Variants in PYGM observed in about 807,000 individuals in gnomAD.
The protein encoded by PYGM is glycogen phosphorylase, muscle form.
In PYGM, 81 loss-of-function variants were observed where a neutral mutation model predicts 99.3. The ratio of observed to expected loss-of-function variants is 0.82; its 90% CI spans 0.68 to 0.98. The LOEUF (loss-of-function observed/expected upper bound fraction) is 0.98. Among genes scored for constraint, PYGM ranks in the 50% least tolerant of loss-of-function variants. The pLI is 0.00. For synonymous variants in PYGM, 436 were observed against 451.5 expected (o/e 0.97, Z 0.44); for missense variants, 1,030 against 1,158.1 (o/e 0.89, Z 1.61).
rs1170598133 is a variant in PYGM, at chr11:64,759,789, T to C, written c.110A>G (p.His37Arg). ...ELKKNFNRHL[H>R]FTLVKDRNVA... Reference sequence around the variant, plus strand: ...ATTGCGGTCCTTTACGAGTGTGAAATGCAGGTGCCGGTTGAAGTTCTTTTT... The same window carrying C: ...ATTGCGGTCCTTTACGAGTGTGAAACGCAGGTGCCGGTTGAAGTTCTTTTT... Residue 37 changes from histidine (H) to arginine (R), a missense_variant, in exon 1 of 20, where the codon CAT (histidine) becomes CGT (arginine). Transcript: ENST00000164139. 7 of 1,614,182 alleles carry C rather than the reference T, an allele frequency of 4.3e-6. No homozygotes were observed. Among genetic ancestry groups the C allele is most frequent in the Non-Finnish European group, 5.9e-6 (7 of 1,180,036 alleles).
rs1210569440 is a variant in PYGM at position 64,754,505 on chromosome 11, G to A, written c.1000-160C>T. On this transcript the variant is annotated intron_variant, in intron 8 of 19. Transcript: ENST00000164139. This position sits in a 1 kb window ranked among gnomAD's most constrained non-coding sequence, Gnocchi z 5.5. ...CTCATGGGGGTGGGAGGAATGGGGG[G>A]AGTGGGGCGGGAGGAGGAGGGAAGC... 9 of 848,196 alleles carry A rather than the reference G, an allele frequency of 1.1e-5. No homozygotes were observed. The highest frequency in any genetic ancestry group is 7.3e-4 in the Middle Eastern group (2 of 2,748). 52.5% of individuals were successfully genotyped at this position (848,196 alleles called of 1,614,324 possible).
rs1440882452 is a variant in PYGM at position 64,753,894 on chromosome 11, G to C, written c.1224C>G (p.Asn408Lys). The change falls in exon 10 of 20, where the codon AAC (asparagine) becomes AAG (lysine). Residue 408 changes from asparagine to lysine, a missense_variant. Physicochemically the swap from Asn to Lys is moderately conservative, Grantham distance 94 (BLOSUM62 0). Transcript: ENST00000164139. ...CCGGACTCACGTTGAGGAAGCGCTG[G>C]TTGATCTCGTAGATGATCTGGAGGT... ...PRHLQIIYEINQRFLNRVAAA... is the reference protein window; with the variant it reads ...PRHLQIIYEIKQRFLNRVAAA... 6.3e-7 allele frequency: 1 copy of C among 1,581,404 alleles called. No homozygotes were observed. The highest frequency in any genetic ancestry group is 1.8e-5 in the Admixed American group (1 of 55,464).
At chr11:64,748,130 C>T (rs1255229616) in intron 17 of PYGM, 2 of 153,038 alleles carry the variant, frequency 1.3e-5, no homozygotes, top group Admixed American at 6.5e-5. Flanking sequence ...AAAACCTAAC[C>T]GTTCCAACCA....
chr11:64,755,603 G>T lies in PYGM; in HGVS notation c.661-45C>A. ...CAGGAGCTGGCCAGCCCTGGCAATT[G>T]CCTCCCTCCCCTCAGGGCTGGGACT... On this transcript the variant is annotated intron_variant, in intron 5 of 19. Coordinates refer to ENST00000164139, the MANE Select transcript of PYGM (RefSeq NM_005609.4). The surrounding 1 kb of genome is among the most constrained non-coding windows in gnomAD (Gnocchi z 4.1). 3 of 1,480,518 alleles carry T rather than the reference G, an allele frequency of 2.0e-6. No individual in the cohort carries two copies. Among genetic ancestry groups the T allele is most frequent in the Non-Finnish European group, 2.8e-6 (3 of 1,061,982 alleles). The allele number at this position is 1,480,518 out of a possible 1,614,324, so 91.7% of individuals were successfully genotyped here. A position where few individuals can be genotyped will look rare whatever the true frequency, so the allele number is the denominator to read the frequency against.
rs71581791 is a variant in PYGM, at chr11:64,754,928, C to T, written c.856-92G>A. ...GGCCAGGAGGGACTCCCACCCATAC[C>T]GGGACCCCTGAGCCCTGAGCCGGCC... On this transcript the variant is annotated intron_variant, in intron 7 of 19. Coordinates refer to ENST00000164139, the MANE Select transcript of PYGM (RefSeq NM_005609.4). The surrounding 1 kb of genome is among the most constrained non-coding windows in gnomAD (Gnocchi z 5.5). 4.5e-5 allele frequency: 69 copies of T among 1,548,030 alleles called. 1 individual carries two copies. The Middle Eastern group carries it at 1.1e-3, about 24-fold the overall frequency.
chr11:64,747,834 G>A (rs2058325780), intron 17 of PYGM: 1 of 234,508 alleles, frequency 4.3e-6, no homozygotes, highest in Non-Finnish European at 8.6e-6. Flanking sequence ...AGGAGGTCAG[G>A]AGTTCAAGAC....
chr11:64,753,655 C>G lies in PYGM; in HGVS notation c.1267G>C (p.Val423Leu). Reference protein sequence around the residue: ...NRVAAAFPGDVDRLRRMSLVE... With the variant: ...NRVAAAFPGDLDRLRRMSLVE... ...AGCGACATGCGCCGCAGCCGGTCTA[C>G]GTCCCCTGGGAATGCGGCCGCCACC... The change falls in exon 11 of 20, where the codon GTA becomes CTA. Residue 423 changes from valine (V) to leucine (L), a missense_variant. Physicochemically the swap from Val to Leu is conservative, Grantham distance 32 (BLOSUM62 1). Coordinates refer to ENST00000164139, the MANE Select transcript of PYGM (RefSeq NM_005609.4). 6.2e-7 allele frequency: 1 copy of G among 1,608,728 alleles called. No homozygotes were observed. The highest frequency in any genetic ancestry group is 8.5e-7 in the Non-Finnish European group (1 of 1,179,334).
At chr11:64,750,283 G>A in intron 17 of PYGM, 93 bp downstream of exon 17, 1 of 1,406,538 alleles carries the variant, frequency 7.1e-7, no homozygotes, top group Non-Finnish European at 1.0e-6. Flanking sequence ...GCTGGGCCTG[G>A]ACCAGTCTTT....
At chr11:64,758,173 C>G (rs896469349) in intron 4 of PYGM, 73 bp downstream of exon 4, 1 of 1,519,648 alleles carries the variant, frequency 6.6e-7, no homozygotes, top group Non-Finnish European at 9.1e-7. Context: ...TCGGACCTTG[C>G]CAGAGATGAT....
chr11:64,750,007 T>G (rs1773265235), intron 17 of PYGM, among the ~76,000 whole-genome samples: 1 of 152,176 alleles, frequency 6.6e-6, no homozygotes, highest in South Asian at 2.1e-4. Context: ...TTAGCCAGGA[T>G]GGTCTGGATC....
chr11:64,755,685 T>C lies in PYGM; in HGVS notation c.661-127A>G. 1 of 736,178 alleles carries C rather than the reference T, an allele frequency of 1.4e-6. No homozygotes were observed. The highest frequency in any genetic ancestry group is 2.7e-5 in the East Asian group (1 of 36,988). 45.6% of individuals were successfully genotyped at this position (736,178 alleles called of 1,614,324 possible). A position where few individuals can be genotyped will look rare whatever the true frequency, so the allele number is the denominator to read the frequency against. ...GGCTCTTGTCCTTGTCTAGCATCGA[T>C]GAGCTGGGTAACCATGAGCAAACCC... On this transcript the variant is annotated intron_variant, in intron 5 of 19. Coordinates refer to ENST00000164139, the MANE Select transcript of PYGM (RefSeq NM_005609.4). The surrounding 1 kb of genome is among the most constrained non-coding windows in gnomAD (Gnocchi z 4.1).
In PYGM at chr11:64,746,541, G is replaced by T. The variant is rs1390895683; in HGVS notation, c.*118C>A. The T allele has an allele frequency of 1.2e-5, 16 of 1,386,572 alleles. No homozygotes were observed. Among genetic ancestry groups the T allele is most frequent in the Non-Finnish European group, 1.6e-5 (16 of 989,862 alleles). 85.9% of individuals were successfully genotyped at this position (1,386,572 alleles called of 1,614,324 possible). A position where few individuals can be genotyped will look rare whatever the true frequency, so the allele number is the denominator to read the frequency against. ...GGACATTGAGAGTGGGGAAAATGAG[G>T]GTTCCAGGAGGGGCTTAGAGATCTA... On this transcript the variant is annotated 3_prime_UTR_variant, in exon 20 of 20. Transcript: ENST00000164139.
rs1272352674 is a variant in PYGM, at chr11:64,755,700, T to G, written c.661-142A>C. 2 of 678,846 alleles carry G rather than the reference T, an allele frequency of 2.9e-6. No homozygotes were observed. Among genetic ancestry groups the G allele is most frequent in the African/African-American group, 1.8e-5 (1 of 56,070 alleles). 42.1% of individuals were successfully genotyped at this position (678,846 alleles called of 1,614,324 possible). Reference sequence around the variant, plus strand: ...CTAGCATCGATGAGCTGGGTAACCATGAGCAAACCCCATAGTCTCTCTGGA... The same window carrying G: ...CTAGCATCGATGAGCTGGGTAACCAGGAGCAAACCCCATAGTCTCTCTGGA... On this transcript the variant is annotated intron_variant, in intron 5 of 19. Transcript: ENST00000164139. The surrounding 1 kb of genome is among the most constrained non-coding windows in gnomAD (Gnocchi z 4.1).
rs1163587055 is a variant in PYGM, at chr11:64,750,385, T to G, written c.2168A>C (p.Asp723Ala). 6.2e-7 allele frequency: 1 copy of G among 1,614,026 alleles called. No homozygotes were observed. Among genetic ancestry groups the G allele is most frequent in the Non-Finnish European group, 8.5e-7 (1 of 1,179,982 alleles). ...GMRVEDVDKL[D>A]QRGYNAQEYY... ...ACCCTGACCCCCATACCCTCTTTGG[T>G]CAAGCTTATCCACATCCTCCACCCG... Residue 723 changes from aspartate (D) to alanine (A), a missense_variant, in exon 17 of 20, where the codon GAC (aspartate) becomes GCC (alanine). Physicochemically the swap from Asp to Ala is moderately radical, Grantham distance 126. Coordinates refer to ENST00000164139, the MANE Select transcript of PYGM (RefSeq NM_005609.4).
chr11:64,754,896 T>A lies in PYGM; in HGVS notation c.856-60A>T. ...GTGGGGGCATGGCCTAAAGCTGCGGTGGGTGTGGCCAGGAGGGACTCCCAC... is the reference window on the plus strand; with the variant it reads ...GTGGGGGCATGGCCTAAAGCTGCGGAGGGTGTGGCCAGGAGGGACTCCCAC... On this transcript the variant is annotated intron_variant, in intron 7 of 19. Coordinates refer to ENST00000164139, the MANE Select transcript of PYGM (RefSeq NM_005609.4). This position sits in a 1 kb window ranked among gnomAD's most constrained non-coding sequence, Gnocchi z 5.5. 1 of 1,602,140 alleles carries A rather than the reference T, an allele frequency of 6.2e-7. No homozygotes were observed.
chr11:64,758,416 C>T lies in PYGM; in HGVS notation c.424+21G>A, dbSNP rs1043822280. ...GAGGACCCCATCGGCCCACTCCACC[C>T]TCACGGCCCTGTCTTCTTACCTGCC... is the stretch of plus-strand genomic sequence containing the variant. On this transcript the variant is annotated intron_variant, in intron 3 of 19. Transcript: ENST00000164139. 2.5e-6 allele frequency: 4 copies of T among 1,613,510 alleles called. No individual in the cohort carries two copies. The African/African-American group carries it at 4.0e-5, about 16-fold the overall frequency.
chr11:64,747,744 A>G (rs1290168780), intron 17 of PYGM: 2 of 335,850 alleles, frequency 6.0e-6, no homozygotes, highest in East Asian at 7.7e-5. Flanking sequence ...TAACAGGTAC[A>G]ACCCTTCAAC....
At chr11:64,759,099 A>G (rs1274888849) in intron 1 of PYGM, among the ~76,000 whole-genome samples, 2 of 152,232 alleles carry the variant, frequency 1.3e-5, no homozygotes, top group Admixed American at 6.5e-5. Context: ...TGCACTGTCC[A>G]GTTCCCCTTG....
At chr11:64,759,188 TG>T (rs1331822840) in intron 1 of PYGM, among the ~76,000 whole-genome samples, 4 of 152,088 alleles carry the variant, frequency 2.6e-5, no homozygotes, top group Non-Finnish European at 4.4e-5. Flanking sequence ...CCCAGTTTCC[TG>T]GGTCCCCTCC....
Sources: allele counts gnomAD v4.1 joint callset (sites outside exome capture counted in the v4.1 genomes callset), GRCh38; gene constraint gnomAD v4.1.1; non-coding constraint Gnocchi (gnomAD v3.1); transcripts MANE v1.5; gene names NCBI Gene and HGNC (gene_info 2026-07-23, HGNC 2026-07-21).